LUZP2: variants seen among roughly 807,000 people sequenced by gnomAD.
The protein encoded by LUZP2 is leucine zipper protein 2.
In LUZP2, 52 loss-of-function variants were observed where a neutral mutation model predicts 51.6. That is an observed-to-expected ratio of 1.01 (90% CI 0.81 to 1.27). The LOEUF is 1.27. Ranked by LOEUF, LUZP2 falls within the 50% of genes most tolerant of loss-of-function variation. The probability of loss-of-function intolerance (pLI) is 0.00; values close to 1 mark genes in which losing one functional copy is unlikely to be tolerated. For missense variants in LUZP2, 436 were observed against 395.4 expected, an observed-to-expected ratio of 1.10 and a Z score of -0.87; for synonymous variants, 154 against 137.3, an observed-to-expected ratio of 1.12 and a Z score of -0.85.
At chr11:24,957,058 G>A (rs919321162) in intron 7 of LUZP2, among the ~76,000 whole-genome samples, 2 of 152,110 alleles carry the variant, frequency 1.3e-5, no homozygotes, top group Non-Finnish European at 2.9e-5. Context: ...GTGTGCCATG[G>A]ACTGAAGTTG....
intron 8 of LUZP2, among the ~76,000 whole-genome samples, chr11:24,980,739 T>A (rs1856006333): frequency 6.6e-6 from 1 of 151,792 alleles, no homozygotes; most frequent in African/African-American, 2.4e-5. Flanking sequence ...AGGGGCTGTT[T>A]GCATGAAAAT....
chr11:24,762,507 A>G (rs1302666252), intron 4 of LUZP2, among the ~76,000 whole-genome samples: 2 of 152,206 alleles, frequency 1.3e-5, no homozygotes, highest in South Asian at 2.1e-4. Context: ...CTACAAGAAA[A>G]TTGAAAATTG....
rs375839767 is a variant in LUZP2, at chr11:24,682,574, T to TTA, written c.63-46583_63-46582dup. On this transcript the variant is annotated intron_variant, in intron 1 of 11. Coordinates refer to ENST00000336930, the MANE Select transcript of LUZP2 (RefSeq NM_001009909.4). Reference sequence around the variant, plus strand: ...ATATACACACTGAACCCTACTGAATTTATATATATATATGTGTGTGTGTGT... The same window carrying TTA: ...ATATACACACTGAACCCTACTGAATTTATATATATATATATGTGTGTGTGTGT... Among the ~76,000 whole-genome samples the TTA allele has an allele frequency of 5.7e-3, 808 of 140,524 alleles. 8 individuals are homozygous for TTA. The highest frequency in any genetic ancestry group is 0.019 in the African/African-American group (747 of 38,888). The allele number at this position is 140,524 out of a possible 152,430, so 92.2% of individuals were successfully genotyped here.
chr11:24,526,775 T>C (rs1850820007), intron 1 of LUZP2, among the ~76,000 whole-genome samples: 1 of 151,390 alleles, frequency 6.6e-6, no homozygotes, highest in Admixed American at 6.6e-5. Flanking sequence ...TTTGATCTTT[T>C]TTTTGGTCCT....
At chr11:24,765,021 T>C (rs1426389318) in intron 5 of LUZP2, among the ~76,000 whole-genome samples, 1 of 152,176 alleles carries the variant, frequency 6.6e-6, no homozygotes, top group Non-Finnish European at 1.5e-5. Flanking sequence ...TACTATTCAC[T>C]TTAATACTAT....
intron 9 of LUZP2, among the ~76,000 whole-genome samples, chr11:25,037,759 T>C (rs981558371): frequency 6.6e-5 from 10 of 152,178 alleles, no homozygotes; most frequent in Admixed American, 2.0e-4. Flanking sequence ...GGATTTTTTT[T>C]TTCTTCATGA....
At chr11:24,741,905 C>CTATATAATATATACATTTATATATTA (rs1565110839) in intron 4 of LUZP2, among the ~76,000 whole-genome samples, 5 of 111,948 alleles carry the variant, frequency 4.5e-5, no homozygotes, top group African/African-American at 2.3e-4. Flanking sequence ...ATATATATTT[C>CTATATAATATATACATTTATATATTA]TATATAATAT....
At chr11:24,533,335 C>T (rs912342905) in intron 1 of LUZP2, among the ~76,000 whole-genome samples, 8 of 151,284 alleles carry the variant, frequency 5.3e-5, no homozygotes, top group African/African-American at 1.9e-4. Context: ...TCTTTTTTAA[C>T]TTTGTACTAA....
intron 1 of LUZP2, among the ~76,000 whole-genome samples, chr11:24,629,567 T>TATAC (rs1554965556): frequency 2.7e-5 from 4 of 147,536 alleles, no homozygotes; most frequent in East Asian, 3.9e-4. Flanking sequence ...TATATATATA[T>TATAC]ACCATATTTT....
intron 1 of LUZP2, among the ~76,000 whole-genome samples, chr11:24,599,501 T>A (rs1297891481): frequency 4.6e-5 from 7 of 152,146 alleles, no homozygotes; most frequent in Non-Finnish European, 8.8e-5. Flanking sequence ...ATCCTCCACA[T>A]CTCCACCTAT....
At chr11:24,567,937 T>C (rs1852295504) in intron 1 of LUZP2, among the ~76,000 whole-genome samples, 1 of 152,016 alleles carries the variant, frequency 6.6e-6, no homozygotes, top group African/African-American at 2.4e-5. Context: ...AAAGACAATA[T>C]TTACATATTT....
rs61439379 is a variant in LUZP2 at position 24,600,174 on chromosome 11, AACACACACACACACACAC to A, written c.62+102896_62+102913del. On this transcript the variant is annotated intron_variant, in intron 1 of 11. Transcript: ENST00000336930. ...CAAGAGGATATATAATGTAGATTAC[AACACACACACACACACAC>A]ACACACACACACACACACACACACA... is the stretch of plus-strand genomic sequence containing the variant. 1.7e-3 allele frequency among the ~76,000 whole-genome samples: 250 copies of A among 144,274 alleles called. 1 individual carries two copies. The highest frequency in any genetic ancestry group is 2.3e-3 in the Non-Finnish European group (151 of 65,874). 94.6% of individuals were successfully genotyped at this position (144,274 alleles called of 152,430 possible). A position where few individuals can be genotyped will look rare whatever the true frequency, so the allele number is the denominator to read the frequency against.
intron 9 of LUZP2, among the ~76,000 whole-genome samples, chr11:25,020,039 A>G (rs1857285666): frequency 6.6e-6 from 1 of 152,106 alleles, no homozygotes; most frequent in South Asian, 2.1e-4. Context: ...TTTAACAACC[A>G]TCTGTGTACT....
intron 1 of LUZP2, among the ~76,000 whole-genome samples, chr11:24,624,471 G>A (rs561132015): frequency 2.6e-5 from 4 of 152,084 alleles, no homozygotes; most frequent in Non-Finnish European, 5.9e-5. Flanking sequence ...ATATTAAATT[G>A]AAAGTCAAAG....
At chr11:25,017,095 C>T (rs530264167) in intron 9 of LUZP2, among the ~76,000 whole-genome samples, 1 of 152,042 alleles carries the variant, frequency 6.6e-6, no homozygotes, top group Non-Finnish European at 1.5e-5. Flanking sequence ...TCTATTCATG[C>T]CACTTGCCCA....
At chr11:24,896,817 C>A (rs112093205) in intron 5 of LUZP2, among the ~76,000 whole-genome samples, 10,651 of 152,266 alleles carry the variant, frequency 0.07, 1,199 homozygotes, top group African/African-American at 0.24. Context: ...TGTATATGCA[C>A]CAATCAGCAC....
intron 10 of LUZP2, among the ~76,000 whole-genome samples, chr11:25,074,816 T>G (rs1859254358): frequency 6.6e-6 from 1 of 152,150 alleles, no homozygotes; most frequent in Non-Finnish European, 1.5e-5. Flanking sequence ...AGTCACCTCC[T>G]GTGATTATGT....
intron 1 of LUZP2, among the ~76,000 whole-genome samples, chr11:24,587,386 A>G (rs986680265): frequency 6.6e-6 from 1 of 152,110 alleles, no homozygotes; most frequent in Non-Finnish European, 1.5e-5. Context: ...TTTTGCTAGG[A>G]ACAATCACTC....
At chr11:25,024,629 T>C (rs1857430018) in intron 9 of LUZP2, among the ~76,000 whole-genome samples, 1 of 152,064 alleles carries the variant, frequency 6.6e-6, no homozygotes. Flanking sequence ...TACAAACCAC[T>C]GCTCAACGAA....
Sources: gnomAD v4.1 joint callset for allele counts (sites outside exome capture counted in the v4.1 genomes callset) on GRCh38, gnomAD v4.1.1 for gene constraint, MANE v1.5 for transcripts, NCBI Gene and HGNC (gene_info 2026-07-23, HGNC 2026-07-21) for gene names.